Variants in TENM4 observed in about 807,000 individuals in gnomAD.
The protein encoded by TENM4 is teneurin-4.
TENM4 carries 82 observed loss-of-function variants against 243.3 expected under a neutral mutation model. That is an observed-to-expected ratio of 0.34 (90% CI 0.28 to 0.40). TENM4 has a LOEUF of 0.40. Among genes scored for constraint, TENM4 ranks in the 10% least tolerant of loss-of-function variants. The pLI, the probability that TENM4 is intolerant of heterozygous loss-of-function variation, is 1.00. For synonymous variants in TENM4, 1,412 were observed against 1,456.3 expected, an observed-to-expected ratio of 0.97 and a Z score of 0.69; for missense variants, 3,138 against 3,673.3, an observed-to-expected ratio of 0.85 and a Z score of 3.77.
chr11:78,877,397 G>T (rs1318831956), intron 9 of TENM4, among the ~76,000 whole-genome samples: 1 of 152,334 alleles, frequency 6.6e-6, no homozygotes, highest in South Asian at 2.1e-4. Context: ...CTCAGTGCAA[G>T]AATAGCCATC....
intron 3 of TENM4, among the ~76,000 whole-genome samples, chr11:79,195,668 A>G (rs749924593): frequency 9.1e-4 from 139 of 152,240 alleles, no homozygotes; most frequent in Non-Finnish European, 1.6e-3. Flanking sequence ...CTCTCATTGT[A>G]TCTAGGAAGT....
chr11:79,211,366 C>A (rs537195440), intron 3 of TENM4, among the ~76,000 whole-genome samples: 1 of 152,194 alleles, frequency 6.6e-6, no homozygotes, highest in Non-Finnish European at 1.5e-5. Context: ...CCTCACTCCC[C>A]GCTGGACTCG....
chr11:78,970,729 G>T (rs950082530), intron 6 of TENM4, among the ~76,000 whole-genome samples: 1 of 152,176 alleles, frequency 6.6e-6, no homozygotes, highest in African/African-American at 2.4e-5. Flanking sequence ...CACCTCAAGA[G>T]GTTGCTCTGA....
rs1467079589 is a variant in TENM4 at position 78,712,728 on chromosome 11, AC to A, written c.3822-15del. 1.9e-6 allele frequency: 3 copies of A among 1,610,072 alleles called. No individual in the cohort carries two copies. Among genetic ancestry groups the A allele is most frequent in the Non-Finnish European group, 2.6e-6 (3 of 1,176,418 alleles). On this transcript the variant is annotated splice_polypyrimidine_tract_variant and intron_variant, in intron 25 of 33. Transcript: ENST00000278550. ...GCTGGACTGTGACTAGAAAACAAAG[AC>A]ATGGCCAACTGGTGAGCATTTTCTT...
intron 7 of TENM4, among the ~76,000 whole-genome samples, chr11:78,896,944 G>A (rs535382141): frequency 1.4e-4 from 22 of 152,266 alleles, no homozygotes; most frequent in Admixed American, 6.5e-5. Context: ...GCTATCCTTT[G>A]CAATGCCTTC....
intron 2 of TENM4, among the ~76,000 whole-genome samples, chr11:79,295,896 A>AACACACAC (rs199711050): frequency 0.12 from 16,011 of 130,688 alleles, 1,035 homozygotes; most frequent in Non-Finnish European, 0.14. Context: ...CCAGGGATTA[A>AACACACAC]ACACACACAC....
intron 6 of TENM4, among the ~76,000 whole-genome samples, chr11:78,986,079 T>C (rs1857912006): frequency 6.6e-6 from 1 of 152,162 alleles, no homozygotes; most frequent in South Asian, 2.1e-4. Context: ...GCAATTCCCT[T>C]TTTTTCTACT....
At chr11:78,698,373 C>T (rs1397215736) in intron 28 of TENM4, among the ~76,000 whole-genome samples, 2 of 151,656 alleles carry the variant, frequency 1.3e-5, no homozygotes, top group East Asian at 1.9e-4. Flanking sequence ...GGCAACAGAG[C>T]GAGACTCCAT....
intron 30 of TENM4, among the ~76,000 whole-genome samples, chr11:78,673,473 C>A (rs149922177): frequency 6.6e-6 from 1 of 152,014 alleles, no homozygotes; most frequent in Non-Finnish European, 1.5e-5. Flanking sequence ...ATGTGTGGAC[C>A]GAGGCAATGA....
chr11:79,268,265 G>A (rs1245495367), intron 2 of TENM4, among the ~76,000 whole-genome samples: 2 of 152,120 alleles, frequency 1.3e-5, no homozygotes, highest in Non-Finnish European at 2.9e-5. Context: ...ACTCAGCTCT[G>A]CCATTGTAGC....
chr11:78,852,405 C>G (rs1418612139), intron 12 of TENM4, among the ~76,000 whole-genome samples: 1 of 152,184 alleles, frequency 6.6e-6, no homozygotes, highest in Non-Finnish European at 1.5e-5. Flanking sequence ...GAACCAGGGG[C>G]TGGGCATGGT....
chr11:79,009,994 T>C (rs1209800839), intron 6 of TENM4, among the ~76,000 whole-genome samples: 1 of 151,894 alleles, frequency 6.6e-6, no homozygotes, highest in East Asian at 1.9e-4. Flanking sequence ...TATAGGAGAG[T>C]TCCCCTGCAC....
chr11:79,088,439 A>T (rs1385913968), intron 4 of TENM4, among the ~76,000 whole-genome samples: 1 of 152,126 alleles, frequency 6.6e-6, no homozygotes, highest in Non-Finnish European at 1.5e-5. Context: ...CAGCCCAGAC[A>T]TTGGCTCTGC....
intron 6 of TENM4, among the ~76,000 whole-genome samples, chr11:79,021,348 G>T (rs563703235): frequency 3.3e-4 from 50 of 152,174 alleles, no homozygotes; most frequent in African/African-American, 1.2e-3. Flanking sequence ...CCTACTGTTT[G>T]GGTTCCCTCA....
At chr11:79,239,512 G>T (rs1864548389) in intron 2 of TENM4, among the ~76,000 whole-genome samples, 1 of 152,132 alleles carries the variant, frequency 6.6e-6, no homozygotes, top group Admixed American at 6.6e-5. Flanking sequence ...GGAGATGGCA[G>T]AGACCTGGAT....
At chr11:78,757,735 C>G (rs1256939412) in intron 18 of TENM4, among the ~76,000 whole-genome samples, 2 of 152,212 alleles carry the variant, frequency 1.3e-5, no homozygotes, top group Non-Finnish European at 2.9e-5. Context: ...TTCTCAGCGT[C>G]TCTCCCAGCC....
At chr11:79,149,155 T>C (rs932061464) in intron 3 of TENM4, among the ~76,000 whole-genome samples, 2 of 152,042 alleles carry the variant, frequency 1.3e-5, no homozygotes, top group Non-Finnish European at 2.9e-5. Context: ...GGAGAGAGAA[T>C]CTCCAGGTAC....
intron 15 of TENM4, among the ~76,000 whole-genome samples, chr11:78,788,923 C>G (rs980634539): frequency 1.3e-5 from 2 of 152,150 alleles, no homozygotes; most frequent in Non-Finnish European, 2.9e-5. Flanking sequence ...TAATCTACCC[C>G]CAAGACCTGG....
chr11:78,972,318 G>A (rs949894757), intron 6 of TENM4, among the ~76,000 whole-genome samples: 1 of 151,912 alleles, frequency 6.6e-6, no homozygotes, highest in African/African-American at 2.4e-5. Context: ...AACTCTCCTC[G>A]ACAATGGTTA....
Sources: allele counts gnomAD v4.1 joint callset (sites outside exome capture counted in the v4.1 genomes callset), GRCh38; gene constraint gnomAD v4.1.1; transcripts MANE v1.5; gene names NCBI Gene and HGNC (gene_info 2026-07-23, HGNC 2026-07-21).